GSE1: variants seen among roughly 807,000 people sequenced by gnomAD.
GSE1 encodes Gse1 coiled-coil protein.
In GSE1, 32 loss-of-function variants were observed where a neutral mutation model predicts 112.6. The observed-to-expected ratio is 0.28, with a 90% CI of 0.21 to 0.38. The LOEUF (loss-of-function observed/expected upper bound fraction) is 0.38, where lower values mean the gene tolerates loss of function less well. Ranked by LOEUF, GSE1 falls within the 10% of genes least tolerant of loss-of-function variation. The pLI is 1.00. For missense variants in GSE1, 2,348 were observed against 1,699.2 expected (o/e 1.38, Z -6.71); for synonymous variants, 1,115 against 735.6 (o/e 1.52, Z -8.35).
intron 1 of GSE1, among the ~76,000 whole-genome samples, chr16:85,338,496 A>G (rs2046553469): frequency 6.6e-6 from 1 of 152,204 alleles, no homozygotes; most frequent in African/African-American, 2.4e-5. Context: ...TAATGATAGC[A>G]CCTATGTCAT....
chr16:85,341,983 G>A (rs1229196508), intron 1 of GSE1, among the ~76,000 whole-genome samples: 1 of 152,188 alleles, frequency 6.6e-6, no homozygotes, highest in African/African-American at 2.4e-5. Context: ...AATAGAGACC[G>A]GCAGGTGGTC....
exon 1 of GSE1, chr16:85,170,448 G>C (rs982821825): frequency 2.7e-5 from 27 of 985,562 alleles, no homozygotes; most frequent in Non-Finnish European, 3.3e-5. Flanking sequence ...AGAGCAGGCC[G>C]CTGGGGGAGA....
At chr16:85,556,411 C>G in intron 1 of GSE1, 3 of 911,606 alleles carry the variant, frequency 3.3e-6, no homozygotes, top group Non-Finnish European at 3.9e-6. Flanking sequence ...GCCGGCGCGC[C>G]CGGGACCCTC....
chr16:85,223,048 G>A (rs931927159), intron 1 of GSE1, among the ~76,000 whole-genome samples: 2 of 152,152 alleles, frequency 1.3e-5, no homozygotes, highest in Non-Finnish European at 2.9e-5. Context: ...GGTTAGGCAT[G>A]AAGGAGAGGC....
chr16:85,625,319 G>A (rs572899892), intron 1 of GSE1, among the ~76,000 whole-genome samples: 1 of 152,310 alleles, frequency 6.6e-6, no homozygotes, highest in Non-Finnish European at 1.5e-5. Context: ...CTCCATCCGG[G>A]AACCTCCGGG....
chr16:85,481,373 C>G (rs572333670), intron 2 of GSE1, among the ~76,000 whole-genome samples: 30 of 152,324 alleles, frequency 2.0e-4, no homozygotes, highest in African/African-American at 7.2e-4. Flanking sequence ...CAGGGGTTAA[C>G]TCTGGGGACA....
intron 2 of GSE1, among the ~76,000 whole-genome samples, chr16:85,384,139 G>A (rs2047631217): frequency 6.6e-6 from 1 of 152,108 alleles, no homozygotes; most frequent in Non-Finnish European, 1.5e-5. Flanking sequence ...CCCTTACAGG[G>A]GGGCACAGAC....
intron 1 of GSE1, among the ~76,000 whole-genome samples, chr16:85,181,524 C>G (rs116858741): frequency 6.6e-6 from 1 of 152,220 alleles, no homozygotes; most frequent in Non-Finnish European, 1.5e-5. Context: ...AGGAGGCCGC[C>G]GTGCTCTCTC....
chr16:85,566,432 C>G (rs2045749858), intron 1 of GSE1, among the ~76,000 whole-genome samples: 1 of 152,150 alleles, frequency 6.6e-6, no homozygotes, highest in African/African-American at 2.4e-5. Context: ...GGCCCTCTCT[C>G]CACTGCGTCC....
chr16:85,513,924 A>G (rs2051831712), intron 2 of GSE1, among the ~76,000 whole-genome samples: 1 of 152,060 alleles, frequency 6.6e-6, no homozygotes, highest in Admixed American at 6.5e-5. Flanking sequence ...GGGCCCCGGG[A>G]TCTGCATCTG....
chr16:85,420,433 G>C (rs1271494913), intron 2 of GSE1, among the ~76,000 whole-genome samples: 4 of 152,126 alleles, frequency 2.6e-5, no homozygotes, highest in Non-Finnish European at 5.9e-5. Flanking sequence ...GGCAGGATTT[G>C]CTTCTGTCTT....
chr16:85,199,514 G>A (rs1356534320), intron 1 of GSE1, among the ~76,000 whole-genome samples: 1 of 152,216 alleles, frequency 6.6e-6, no homozygotes. Context: ...AGAGTGTCCA[G>A]CTGCGTTTAA....
In GSE1 at chr16:85,185,967, G is replaced by A. The variant is rs79831930; in HGVS notation, c.2283+14160G>A. ...CCTGAGCAGGGTGATGGGTGGGTTC[G>A]GTCAGCAGTTTCACGGGCCTTACTG... On this transcript the variant is annotated intron_variant, in intron 1 of 2. Coordinates refer to the GSE1 transcript ENST00000637419. Among the ~76,000 whole-genome samples the A allele has an allele frequency of 1.1e-3, 169 of 152,320 alleles. 1 individual carries two copies. The highest frequency in any genetic ancestry group is 3.9e-3 in the African/African-American group (164 of 41,570).
chr16:85,227,768 G>C (rs931522286), intron 1 of GSE1, among the ~76,000 whole-genome samples: 1 of 152,208 alleles, frequency 6.6e-6, no homozygotes, highest in African/African-American at 2.4e-5. Flanking sequence ...GCTGGGCCCT[G>C]GGAGATGGAG....
intron 2 of GSE1, among the ~76,000 whole-genome samples, chr16:85,425,610 G>C: frequency 6.6e-6 from 1 of 152,164 alleles, no homozygotes; most frequent in East Asian, 1.9e-4. Context: ...AAAGGATGTT[G>C]TCACCCAAAC....
chr16:85,524,627 G>A (rs1490835184), intron 2 of GSE1, among the ~76,000 whole-genome samples: 5 of 152,092 alleles, frequency 3.3e-5, no homozygotes, highest in African/African-American at 7.2e-5. Context: ...TGTCAGCCTC[G>A]GCCAGGAAGC....
At chr16:85,318,276 G>T (rs2046027514) in intron 1 of GSE1, among the ~76,000 whole-genome samples, 1 of 152,066 alleles carries the variant, frequency 6.6e-6, no homozygotes, top group African/African-American at 2.4e-5. Context: ...CCTTTTTTTG[G>T]ATGGGGGGAT....
intron 2 of GSE1, among the ~76,000 whole-genome samples, chr16:85,644,979 A>T (rs1047447831): frequency 2.6e-5 from 4 of 151,994 alleles, no homozygotes; most frequent in African/African-American, 9.7e-5. Context: ...CAGTGTCCAG[A>T]ACGAACCCAC....
In GSE1 at chr16:85,674,172, G is replaced by C. The variant is rs2053553825; in HGVS notation, c.*1633G>C. 6.6e-6 allele frequency: 1 copy of C among 152,346 alleles called. No individual in the cohort carries two copies. Among genetic ancestry groups the C allele is most frequent in the South Asian group, 2.1e-4 (1 of 4,832 alleles). 9.4% of individuals were successfully genotyped at this position (152,346 alleles called of 1,614,324 possible). ...GAGCTGAGGGCAGGGTGCCTGACCT[G>C]TGTGCCGGCTGCTCACTGCTGTGAC... On this transcript the variant is annotated 3_prime_UTR_variant, in exon 16 of 16. Transcript: ENST00000253458.
Sources: gnomAD v4.1 joint callset for allele counts (sites outside exome capture counted in the v4.1 genomes callset) on GRCh38, gnomAD v4.1.1 for gene constraint, MANE v1.5 for transcripts, NCBI Gene and HGNC (gene_info 2026-07-23, HGNC 2026-07-21) for gene names.